LAMA2: variants seen among roughly 807,000 people sequenced by gnomAD.
The protein encoded by LAMA2 is laminin subunit alpha 2.
LAMA2 carries 269 observed loss-of-function variants against 364.8 expected under a neutral mutation model. That is an observed-to-expected ratio of 0.74 (90% CI 0.67 to 0.82). LAMA2 has a LOEUF of 0.82. Ranked by LOEUF, LAMA2 falls within the 40% of genes least tolerant of loss-of-function variation. The pLI, the probability that LAMA2 is intolerant of heterozygous loss-of-function variation, is 0.00. For missense variants in LAMA2, 3,807 were observed against 3,873.2 expected, an observed-to-expected ratio of 0.98 and a Z score of 0.45; for synonymous variants, 1,379 against 1,370.6, an observed-to-expected ratio of 1.01 and a Z score of -0.14.
intron 22 of LAMA2, among the ~76,000 whole-genome samples, chr6:129,303,705 A>G (rs1773686193): frequency 6.6e-6 from 1 of 152,174 alleles, no homozygotes; most frequent in African/African-American, 2.4e-5. Flanking sequence ...AATATGACAG[A>G]TTATACTGAT....
chr6:129,391,819 T>C (rs202166403), intron 36 of LAMA2, among the ~76,000 whole-genome samples, 166 bp downstream of exon 36: 3 of 148,148 alleles, frequency 2.0e-5, no homozygotes, highest in African/African-American at 5.2e-5. Context: ...ATCTATCTAT[T>C]TATCTATCTA....
In LAMA2 at chr6:129,081,693, A is replaced by C. The variant is rs73596774; in HGVS notation, c.397-16480A>C. Among the ~76,000 whole-genome samples, 1,442 of 152,226 alleles carry C rather than the reference A, an allele frequency of 9.5e-3. 19 individuals carry two copies. Among genetic ancestry groups the C allele is most frequent in the African/African-American group, 0.033 (1,357 of 41,548 alleles). On this transcript the variant is annotated intron_variant, in intron 3 of 64. Transcript: ENST00000421865. The stretch of plus-strand genomic sequence containing the variant: ...TCTTCATTTTTAGTGTGATTCATTG[A>C]TTTTCCTAAGGAAGAACATTTAACT...
chr6:129,021,872 T>G (rs534830193), intron 1 of LAMA2, among the ~76,000 whole-genome samples: 1 of 152,332 alleles, frequency 6.6e-6, no homozygotes, highest in South Asian at 2.1e-4. Context: ...GGAATGCTAC[T>G]TACCTCTGTT....
At chr6:129,014,876 A>C (rs921790006) in intron 1 of LAMA2, among the ~76,000 whole-genome samples, 3 of 152,064 alleles carry the variant, frequency 2.0e-5, no homozygotes, top group South Asian at 2.1e-4. Flanking sequence ...TAAAGATTAT[A>C]AAATATTAAA....
chr6:129,026,458 T>A (rs1785828179), intron 1 of LAMA2, among the ~76,000 whole-genome samples: 1 of 152,162 alleles, frequency 6.6e-6, no homozygotes, highest in Admixed American at 6.6e-5. Context: ...GCTACACATT[T>A]AGAAAGAAGT....
At chr6:129,098,603 T>A (rs1775326662) in intron 4 of LAMA2, among the ~76,000 whole-genome samples, 188 bp downstream of exon 4, 1 of 152,236 alleles carries the variant, frequency 6.6e-6, no homozygotes, top group Non-Finnish European at 1.5e-5. Context: ...TACCTTCATG[T>A]GTCTCCCATC....
In LAMA2 at chr6:129,366,234, G is replaced by A; in HGVS notation, c.4733G>A (p.Cys1578Tyr). ...GWECVFCGDE[C>Y]TGLLLGDLAR... ...TCTTTCACAGTTTGTGGAGATGAGT[G>A]CACTGGCCTTCTTCTCGGTGACTTG... The change falls in exon 33 of 65, where the codon TGC becomes TAC. Residue 1578 changes from cysteine to tyrosine, a missense_variant. Transcript: ENST00000421865. 6.2e-7 allele frequency: 1 copy of A among 1,613,726 alleles called. No homozygotes were observed. Among genetic ancestry groups the A allele is most frequent in the Non-Finnish European group, 8.5e-7 (1 of 1,179,922 alleles).
intron 4 of LAMA2, among the ~76,000 whole-genome samples, chr6:129,106,753 ATTG>A (rs1775845669): frequency 6.6e-6 from 1 of 151,624 alleles, no homozygotes; most frequent in South Asian, 2.1e-4. Context: ...AAGGTAATTT[ATTG>A]TTACATTTTA....
chr6:129,278,360 G>C (rs775893761), intron 17 of LAMA2, among the ~76,000 whole-genome samples: 14 of 152,134 alleles, frequency 9.2e-5, no homozygotes, highest in Non-Finnish European at 1.6e-4. Flanking sequence ...AGTGCTTCTG[G>C]TTGGAGTCAG....
chr6:129,231,438 A>C (rs138441042), intron 12 of LAMA2, among the ~76,000 whole-genome samples: 9 of 152,202 alleles, frequency 5.9e-5, no homozygotes, highest in African/African-American at 1.9e-4. Context: ...GCATTATCTG[A>C]TTTGATTTTC....
At position 129,353,182 on chromosome 6, in the gene LAMA2, T is replaced by C. The variant is rs1276524680; in HGVS notation, c.4542T>C (p.Thr1514=). Residue 1514 remains threonine, a synonymous_variant, in exon 32 of 65, where the codon ACT becomes ACC. Coordinates refer to ENST00000421865, the MANE Select transcript of LAMA2 (RefSeq NM_000426.4). ...AATTCAGGTGTGCCCCTGGCTATAC[T>C]GGCAGTCCAGGCAACCCTGGAGGCT... ...QYCERCAPGY[T]GSPGNPGGSC... The C allele has an allele frequency of 6.2e-7, 1 of 1,613,670 alleles. No homozygotes were observed. Among genetic ancestry groups the C allele is most frequent in the East Asian group, 2.2e-5 (1 of 44,860 alleles).
At chr6:129,324,352 A>G (rs770006891) in intron 28 of LAMA2, among the ~76,000 whole-genome samples, 1 of 152,210 alleles carries the variant, frequency 6.6e-6, no homozygotes, top group Non-Finnish European at 1.5e-5. Context: ...TATCTCCTGT[A>G]CACTTCCTAA....
At chr6:129,061,356 ACAATGGGGT>A (rs1264922283) in intron 3 of LAMA2, among the ~76,000 whole-genome samples, 1 of 152,282 alleles carries the variant, frequency 6.6e-6, no homozygotes, top group South Asian at 2.1e-4. Flanking sequence ...TGCACATAGA[ACAATGGGGT>A]CAATTATTAA....
chr6:129,088,424 G>T (rs1280157497), intron 3 of LAMA2, among the ~76,000 whole-genome samples: 1 of 152,140 alleles, frequency 6.6e-6, no homozygotes, highest in Non-Finnish European at 1.5e-5. Context: ...CTCCCAGATG[G>T]GGTGGCGGCT....
At chr6:129,422,694 ATTT>A (rs1781135076) in intron 40 of LAMA2, among the ~76,000 whole-genome samples, 1 of 152,172 alleles carries the variant, frequency 6.6e-6, no homozygotes, top group African/African-American at 2.4e-5. Flanking sequence ...AGAGAATTTA[ATTT>A]GTAGTTCAAA....
At chr6:129,183,830 G>T (rs1162583829) in intron 10 of LAMA2, among the ~76,000 whole-genome samples, 1 of 151,710 alleles carries the variant, frequency 6.6e-6, no homozygotes, top group Admixed American at 6.6e-5. Flanking sequence ...CTTACCTCTG[G>T]TGATGATATG....
chr6:129,389,323 C>T (rs1779192069), intron 35 of LAMA2, among the ~76,000 whole-genome samples: 1 of 152,144 alleles, frequency 6.6e-6, no homozygotes, highest in African/African-American at 2.4e-5. Flanking sequence ...GATTTTGTGC[C>T]TTATAACTGA....
chr6:129,300,481 C>T (rs1455807144), intron 21 of LAMA2, among the ~76,000 whole-genome samples: 1 of 152,116 alleles, frequency 6.6e-6, no homozygotes, highest in Non-Finnish European at 1.5e-5. Flanking sequence ...TCTTAAACTT[C>T]ATAGGAAAGC....
intron 43 of LAMA2, chr6:129,442,187 T>G (rs745465889): frequency 7.6e-7 from 1 of 1,317,532 alleles, no homozygotes. Flanking sequence ...GCTGTTTGAG[T>G]GGGGAATGGA....
Sources: allele counts gnomAD v4.1 joint callset (sites outside exome capture counted in the v4.1 genomes callset), GRCh38; gene constraint gnomAD v4.1.1; transcripts MANE v1.5; gene names NCBI Gene and HGNC (gene_info 2026-07-23, HGNC 2026-07-21).